Variants in SF3B3 observed in about 807,000 individuals in gnomAD.
SF3B3 encodes splicing factor 3b subunit 3, also known as SAP 130.
SF3B3 carries 33 observed loss-of-function variants against 139.2 expected under a neutral mutation model. That is an observed-to-expected ratio of 0.24 (90% CI 0.18 to 0.32). The LOEUF is 0.32. SF3B3 is among the 10% of genes least tolerant of loss of function. SF3B3 has a pLI of 1.00. For missense variants in SF3B3, 818 were observed against 1,509.4 expected, an observed-to-expected ratio of 0.54 and a Z score of 7.59; for synonymous variants, 596 against 563.6, an observed-to-expected ratio of 1.06 and a Z score of -0.81.
chr16:70,524,085 G>A (rs548203166), intron 1 of SF3B3, 157 bp downstream of exon 1: 2 of 392,212 alleles, frequency 5.1e-6, no homozygotes, highest in East Asian at 7.3e-5. Flanking sequence ...GCGCCAAAAC[G>A]GCTTCCTGCA....
intron 9 of SF3B3, among the ~76,000 whole-genome samples, chr16:70,544,022 G>C (rs1416452676): frequency 6.6e-6 from 1 of 152,000 alleles, no homozygotes; most frequent in Non-Finnish European, 1.5e-5. Context: ...CCCAGCTAAT[G>C]AATGATATTT....
intron 11 of SF3B3, 61 bp from the exon 12 acceptor site, chr16:70,554,385 C>G: frequency 6.5e-7 from 1 of 1,526,826 alleles, no homozygotes. Context: ...CTTAGTGTTT[C>G]ATTTGGCTTT....
Position 70,526,653 on chromosome 16 carries a change from A to G in SF3B3, c.-4A>G. The stretch of plus-strand genomic sequence containing the variant: ...GGTCTGGGTGGCTCAGGTTTCCTGC[A>G]GCCATGTTTCTGTACAACTTAACCT... On this transcript the variant is annotated 5_prime_UTR_variant, in exon 2 of 26. Coordinates refer to ENST00000302516, the MANE Select transcript of SF3B3 (RefSeq NM_012426.5). The G allele has an allele frequency of 1.2e-6, 2 of 1,613,610 alleles. No homozygotes were observed. Among genetic ancestry groups the G allele is most frequent in the Non-Finnish European group, 1.7e-6 (2 of 1,179,672 alleles).
rs2050464813 is a variant in SF3B3 at position 70,565,286 on chromosome 16, CAG to C, written c.2669+17_2669+18del. 1 of 1,613,990 alleles carries C rather than the reference CAG, an allele frequency of 6.2e-7. No homozygotes were observed. Among genetic ancestry groups the C allele is most frequent in the African/African-American group, 1.3e-5 (1 of 74,922 alleles). ...CAGCTTTTAGGTAAGCAGCCCAGGA[CAG>C]TCCAGGGTTTGGCAGGCTGGAACAG... On this transcript the variant is annotated intron_variant, in intron 19 of 25. Transcript: ENST00000302516.
intron 8 of SF3B3, among the ~76,000 whole-genome samples, chr16:70,540,393 GTTGT>G (rs1481905521): frequency 1.3e-4 from 20 of 151,362 alleles, no homozygotes; most frequent in African/African-American, 3.9e-4. Flanking sequence ...GTTTTTTTTG[GTTGT>G]TTGTTTGTTT....
chr16:70,539,201 G>C lies in SF3B3; in HGVS notation c.1061G>C (p.Gly354Ala), dbSNP rs148171005. Residue 354 changes from glycine to alanine, a missense_variant, in exon 8 of 26, where the codon GGA (glycine) becomes GCA (alanine). Gly to Ala is a moderately conservative substitution (Grantham distance 60). This residue lies in a region of SF3B3 where 80 missense variants were observed against 206.5 expected (regional missense o/e 0.39). Transcript: ENST00000302516. ...TGFLFVASEF[G>A]NHYLYQIAHL... ...TTCCTTTTTGTAGCATCAGAATTTGGAAACCAGTGAGTAATCCTTCTGTTA... is the reference window on the plus strand; with the variant it reads ...TTCCTTTTTGTAGCATCAGAATTTGCAAACCAGTGAGTAATCCTTCTGTTA... 8.1e-6 allele frequency: 13 copies of C among 1,608,408 alleles called. No homozygotes were observed. In the African/African-American group the frequency reaches 1.7e-4, roughly 21 times the overall value.
intron 13 of SF3B3, among the ~76,000 whole-genome samples, chr16:70,555,699 C>A (rs1282270099): frequency 6.6e-6 from 1 of 152,176 alleles, no homozygotes; most frequent in South Asian, 2.1e-4. Context: ...GAATCCATTT[C>A]AGAAAACTTC....
intron 3 of SF3B3, 29 bp from the exon 4 acceptor site, chr16:70,530,716 C>G (rs1040332295): frequency 1.9e-6 from 3 of 1,579,426 alleles, no homozygotes; most frequent in Non-Finnish European, 2.6e-6. Context: ...ATCTGGGAAT[C>G]TTGTATGTTT....
chr16:70,567,396 G>A lies in SF3B3; in HGVS notation c.2827-15G>A. 6.2e-7 allele frequency: 1 copy of A among 1,607,768 alleles called. No homozygotes were observed. The highest frequency in any genetic ancestry group is 8.5e-7 in the Non-Finnish European group (1 of 1,177,706). On this transcript the variant is annotated splice_polypyrimidine_tract_variant and intron_variant, in intron 20 of 25. Coordinates refer to ENST00000302516, the MANE Select transcript of SF3B3 (RefSeq NM_012426.5). ...GGCATTTATAATAGCTGTATTACCT[G>A]CTTTTCCTCTATAGACTCCTGTGGA...
intron 23 of SF3B3, 200 bp from the exon 24 acceptor site, chr16:70,569,806 A>G (rs1183003964): frequency 5.5e-6 from 3 of 540,642 alleles, no homozygotes; most frequent in African/African-American, 3.8e-5. Flanking sequence ...TTTTGTGGGT[A>G]TGGGTATACG....
chr16:70,543,699 C>G (rs1422961061), intron 9 of SF3B3, among the ~76,000 whole-genome samples: 1 of 151,506 alleles, frequency 6.6e-6, no homozygotes, highest in African/African-American at 2.4e-5. Context: ...CAGAGTGAGA[C>G]TCTGTCTTAA....
intron 9 of SF3B3, 142 bp from the exon 10 acceptor site, chr16:70,544,296 C>A: frequency 1.6e-6 from 1 of 607,828 alleles, no homozygotes. Flanking sequence ...AACTACAATA[C>A]AGATCATTCA....
At chr16:70,526,904 T>C (rs2050069696) in intron 2 of SF3B3, 178 bp downstream of exon 2, 1 of 600,384 alleles carries the variant, frequency 1.7e-6, no homozygotes. Context: ...CTATTTCAGA[T>C]GCATTTCCTA....
In SF3B3 at chr16:70,568,492, T is replaced by C. The variant is rs141086426; in HGVS notation, c.3162T>C (p.Cys1054=). The change falls in exon 22 of 26, where the codon TGT becomes TGC. Residue 1054 remains cysteine (C), a synonymous_variant. Coordinates refer to ENST00000302516, the MANE Select transcript of SF3B3 (RefSeq NM_012426.5). ...VAGADKFGNI[C]VVRLPPNTND... is the part of the protein sequence containing the mutation. ...GGGCAGACAAGTTTGGCAACATATGTGTGGTGAGTTGATGTTGTTAACTTG... is the reference window on the plus strand; with the variant it reads ...GGGCAGACAAGTTTGGCAACATATGCGTGGTGAGTTGATGTTGTTAACTTG... 1.2e-5 allele frequency: 20 copies of C among 1,612,312 alleles called. No homozygotes were observed. The African/African-American group carries it at 2.5e-4, about 20-fold the overall frequency.
chr16:70,537,704 G>T (rs766449315), intron 6 of SF3B3, among the ~76,000 whole-genome samples: 5 of 152,138 alleles, frequency 3.3e-5, no homozygotes, highest in African/African-American at 4.8e-5. Flanking sequence ...ACTGTATTTG[G>T]CTTTGCAATA....
chr16:70,528,784 AT>A, intron 2 of SF3B3, 88 bp from the exon 3 acceptor site: 1 of 936,426 alleles, frequency 1.1e-6, no homozygotes. Context: ...CGCCTGGCTA[AT>A]TTTTGTATTT....
chr16:70,540,540 A>G (rs1187040787), intron 8 of SF3B3, among the ~76,000 whole-genome samples: 1 of 151,966 alleles, frequency 6.6e-6, no homozygotes, highest in Non-Finnish European at 1.5e-5. Flanking sequence ...ACTATTAGCA[A>G]GGTGCATGCC....
In SF3B3 at chr16:70,576,377, ACT is replaced by A. The variant is rs939013396; in HGVS notation, c.*4567_*4568del. On this transcript the variant is annotated 3_prime_UTR_variant, in exon 26 of 26. Coordinates refer to ENST00000302516, the MANE Select transcript of SF3B3 (RefSeq NM_012426.5). Reference sequence around the variant, plus strand: ...AGCCCCCTTCAGTTTCCCACCTCTCACTCTGCCTTCCAGAGCCTAGTCAAGTT... The same window carrying A: ...AGCCCCCTTCAGTTTCCCACCTCTCACTGCCTTCCAGAGCCTAGTCAAGTT... The A allele has an allele frequency of 3.1e-5, 4 of 127,680 alleles. No individual in the cohort carries two copies. The highest frequency in any genetic ancestry group is 4.8e-4 in the South Asian group (2 of 4,134). 7.9% of individuals were successfully genotyped at this position (127,680 alleles called of 1,614,324 possible).
chr16:70,525,673 C>A (rs1397881261), intron 1 of SF3B3, among the ~76,000 whole-genome samples: 1 of 151,924 alleles, frequency 6.6e-6, no homozygotes, highest in Non-Finnish European at 1.5e-5. Context: ...TAAACATATA[C>A]CTTAGTCTAT....
Sources: gnomAD v4.1 joint callset for allele counts (sites outside exome capture counted in the v4.1 genomes callset) on GRCh38, gnomAD v4.1.1 for gene constraint, gnomAD v4.1.1 regional missense constraint, MANE v1.5 for transcripts, NCBI Gene and HGNC (gene_info 2026-07-23, HGNC 2026-07-21) for gene names.